CNTN5: variants seen among roughly 807,000 people sequenced by gnomAD.
CNTN5 encodes the protein contactin 5, also known as contactin-5.
CNTN5 carries 77 observed loss-of-function variants against 129.1 expected under a neutral mutation model. The observed-to-expected ratio is 0.60, with a 90% CI of 0.50 to 0.72. The LOEUF is 0.72. Among genes scored for constraint, CNTN5 ranks in the 30% least tolerant of loss-of-function variants. The pLI, the probability that CNTN5 is intolerant of heterozygous loss-of-function variation, is 0.00. For synonymous variants in CNTN5, 509 were observed against 465.6 expected (o/e 1.09, Z -1.20); for missense variants, 1,478 against 1,328.8 (o/e 1.11, Z -1.75).
intron 2 of CNTN5, among the ~76,000 whole-genome samples, chr11:99,347,841 T>C (rs951939993): frequency 6.6e-6 from 1 of 152,212 alleles, no homozygotes; most frequent in Non-Finnish European, 1.5e-5. Flanking sequence ...ATTAATAATT[T>C]TCTTTACTAA....
At chr11:99,670,515 T>C (rs1485681592) in intron 3 of CNTN5, among the ~76,000 whole-genome samples, 6 of 152,134 alleles carry the variant, frequency 3.9e-5, no homozygotes, top group African/African-American at 1.4e-4. Flanking sequence ...TGAAGACACA[T>C]ATACTTACTC....
chr11:99,477,613 T>C (rs1945425526), intron 2 of CNTN5, among the ~76,000 whole-genome samples: 1 of 151,686 alleles, frequency 6.6e-6, no homozygotes, highest in Non-Finnish European at 1.5e-5. Flanking sequence ...GTTAGAAGTA[T>C]ACCAAAGCAA....
intron 17 of CNTN5, among the ~76,000 whole-genome samples, chr11:100,268,950 T>A (rs1950357383): frequency 6.6e-6 from 1 of 152,078 alleles, no homozygotes; most frequent in Admixed American, 6.5e-5. Context: ...AACATATGAG[T>A]CTGAAATCTA....
At chr11:100,101,101 C>T (rs1017979600) in intron 13 of CNTN5, among the ~76,000 whole-genome samples, 15 of 151,988 alleles carry the variant, frequency 9.9e-5, no homozygotes, top group Admixed American at 3.9e-4. Flanking sequence ...AGAAACAATA[C>T]GGTATGTTCC....
At chr11:99,762,537 G>T (rs1384750409) in intron 3 of CNTN5, among the ~76,000 whole-genome samples, 2 of 151,762 alleles carry the variant, frequency 1.3e-5, no homozygotes, top group African/African-American at 2.4e-5. Context: ...TTTCCCCATT[G>T]CTTGTTTTTC....
intron 3 of CNTN5, among the ~76,000 whole-genome samples, chr11:99,689,328 C>G (rs577906586): frequency 2.6e-5 from 4 of 151,928 alleles, no homozygotes; most frequent in Non-Finnish European, 5.9e-5. Context: ...GAGATCGAGA[C>G]CATCCTGGCT....
At chr11:99,666,628 T>G (rs79930633) in intron 3 of CNTN5, among the ~76,000 whole-genome samples, 1 of 152,184 alleles carries the variant, frequency 6.6e-6, no homozygotes, top group Admixed American at 6.5e-5. Flanking sequence ...AGAGTCTCCA[T>G]GCTCTTTGGT....
chr11:99,807,432 TAACAA>T (rs1946306960), intron 3 of CNTN5, among the ~76,000 whole-genome samples: 2 of 152,224 alleles, frequency 1.3e-5, no homozygotes, highest in South Asian at 4.1e-4. Context: ...GAAGAAGTTT[TAACAA>T]AACACATAAT....
chr11:100,319,540 T>C (rs576011551), intron 21 of CNTN5, among the ~76,000 whole-genome samples: 1 of 152,364 alleles, frequency 6.6e-6, no homozygotes, highest in African/African-American at 2.4e-5. Context: ...TGACTAAATC[T>C]AGCTAATTAG....
At chr11:99,841,112 T>G (rs1276483745) in intron 4 of CNTN5, among the ~76,000 whole-genome samples, 1 of 152,156 alleles carries the variant, frequency 6.6e-6, no homozygotes, top group East Asian at 1.9e-4. Flanking sequence ...CTTTTTCACA[T>G]TTCTATTTAC....
intron 1 of CNTN5, among the ~76,000 whole-genome samples, chr11:99,129,443 C>T (rs1858819094): frequency 6.6e-6 from 1 of 152,072 alleles, no homozygotes; most frequent in Admixed American, 6.6e-5. Context: ...AAACAAACCT[C>T]TGAGAACTAT....
chr11:99,819,695 G>T lies in CNTN5; in HGVS notation c.207G>T (p.Trp69Cys), dbSNP rs1946731042. Reference protein sequence around the residue: ...LGTLSASSPSWLGAAQNYYSP... With the variant: ...LGTLSASSPSCLGAAQNYYSP... The stretch of plus-strand genomic sequence containing the variant: ...CACTGAGTGCTTCTTCACCCAGCTG[G>T]CTAGGGGCAGCTCAGAATTATTATT... The change falls in exon 4 of 25, where the codon TGG (tryptophan) becomes TGT (cysteine). Residue 69 changes from tryptophan (W) to cysteine (C), a missense_variant. Physicochemically the swap from Trp to Cys is radical, Grantham distance 215. Transcript: ENST00000524871. The T allele has an allele frequency of 4.3e-6, 7 of 1,612,704 alleles. No homozygotes were observed. Among genetic ancestry groups the T allele is most frequent in the Non-Finnish European group, 5.9e-6 (7 of 1,179,794 alleles).
intron 2 of CNTN5, among the ~76,000 whole-genome samples, chr11:99,367,719 G>C (rs959459568): frequency 6.6e-6 from 1 of 152,100 alleles, no homozygotes; most frequent in Non-Finnish European, 1.5e-5. Context: ...CTGATCACAA[G>C]AGAAAGAGGG....
At chr11:99,175,225 C>T (rs1234158630) in intron 1 of CNTN5, among the ~76,000 whole-genome samples, 2 of 152,096 alleles carry the variant, frequency 1.3e-5, no homozygotes, top group Non-Finnish European at 2.9e-5. Flanking sequence ...CAGAATGAGA[C>T]TCTGTCCTCC....
intron 1 of CNTN5, among the ~76,000 whole-genome samples, chr11:99,161,432 G>T (rs1394243104): frequency 6.6e-6 from 1 of 151,682 alleles, no homozygotes; most frequent in African/African-American, 2.4e-5. Flanking sequence ...CACAGTTCTG[G>T]CCAAGGAGAT....
At chr11:100,024,125 A>G (rs2137577907) in intron 9 of CNTN5, among the ~76,000 whole-genome samples, 1 of 152,290 alleles carries the variant, frequency 6.6e-6, no homozygotes, top group South Asian at 2.1e-4. Context: ...GGGAGAGACC[A>G]GGTGGAGGTA....
At chr11:99,397,578 A>G (rs1941590244) in intron 2 of CNTN5, among the ~76,000 whole-genome samples, 1 of 151,762 alleles carries the variant, frequency 6.6e-6, no homozygotes, top group East Asian at 1.9e-4. Flanking sequence ...TAAGCTTTTG[A>G]TTATAATTCA....
chr11:100,331,096 C>T (rs1382760308), intron 21 of CNTN5, among the ~76,000 whole-genome samples: 1 of 152,056 alleles, frequency 6.6e-6, no homozygotes, highest in East Asian at 1.9e-4. Flanking sequence ...ACTTGCCTAA[C>T]ACATGAGGAC....
intron 1 of CNTN5, among the ~76,000 whole-genome samples, chr11:99,079,741 C>T (rs1222344532): frequency 6.6e-6 from 1 of 152,132 alleles, no homozygotes; most frequent in African/African-American, 2.4e-5. Context: ...ACTTCTTTGC[C>T]TTTGTACATC....
Sources: allele counts gnomAD v4.1 joint callset (sites outside exome capture counted in the v4.1 genomes callset), GRCh38; gene constraint gnomAD v4.1.1; transcripts MANE v1.5; gene names NCBI Gene and HGNC (gene_info 2026-07-23, HGNC 2026-07-21).